The following PDE4D variants were observed in gnomAD, a reference collection of about 807,000 sequenced individuals.
PDE4D encodes the protein phosphodiesterase 4D.
A neutral mutation model predicts 87.4 loss-of-function variants in PDE4D; 24 were observed. The observed-to-expected ratio is 0.27, with a 90% CI of 0.20 to 0.39. The LOEUF is 0.39. Ranked by LOEUF, PDE4D falls within the 10% of genes least tolerant of loss-of-function variation. The probability of loss-of-function intolerance (pLI) is 1.00; values close to 1 mark genes in which losing one functional copy is unlikely to be tolerated. For missense variants in PDE4D, 714 were observed against 1,041.0 expected, an observed-to-expected ratio of 0.69 and a Z score of 4.32; for synonymous variants, 384 against 383.2, an observed-to-expected ratio of 1.00 and a Z score of -0.02.
chr5:59,250,228 T>C (rs993668646), intron 1 of PDE4D, among the ~76,000 whole-genome samples: 1 of 151,120 alleles, frequency 6.6e-6, no homozygotes, highest in African/African-American at 2.4e-5. Flanking sequence ...TGGTGGTTCA[T>C]ACCTGTAATC....
intron 2 of PDE4D, 94 bp downstream of exon 2, chr5:59,215,683 T>A: frequency 9.7e-7 from 1 of 1,030,964 alleles, no homozygotes; most frequent in South Asian, 1.4e-5. Flanking sequence ...AGGAGAGTGA[T>A]ACAGTTGAAC....
Position 59,988,826 on chromosome 5 carries a change from A to G in PDE4D, c.43-109T>C, listed in dbSNP as rs541201750. 1.6e-4 allele frequency: 93 copies of G among 566,382 alleles called. 1 individual carries two copies. In the South Asian group the frequency reaches 2.8e-3, roughly 17 times the overall value. The allele number at this position is 566,382 out of a possible 1,614,324, so 35.1% of individuals were successfully genotyped here. On this transcript the variant is annotated intron_variant, in intron 2 of 16. Coordinates refer to the PDE4D transcript ENST00000502484. ...GAAAGAAATTAAGTAAAATGTATACATGAAAAATGCTATCTAGAAAACAGT... is the reference window on the plus strand; with the variant it reads ...GAAAGAAATTAAGTAAAATGTATACGTGAAAAATGCTATCTAGAAAACAGT...
chr5:59,855,821 C>T (rs1422254896), intron 1 of PDE4D, among the ~76,000 whole-genome samples: 2 of 152,102 alleles, frequency 1.3e-5, no homozygotes, highest in Non-Finnish European at 2.9e-5. Flanking sequence ...ATTATTATAT[C>T]TACAGAAGAC....
chr5:59,410,435 T>C (rs1303524113), intron 1 of PDE4D, among the ~76,000 whole-genome samples: 1 of 152,084 alleles, frequency 6.6e-6, no homozygotes, highest in Non-Finnish European at 1.5e-5. Flanking sequence ...TTAGTAGAGA[T>C]GGGGTTTCAT....
Position 59,194,983 on chromosome 5 carries a change from A to C in PDE4D, c.648-1447T>G, listed in dbSNP as rs117832212. Among the ~76,000 whole-genome samples, 445 of 152,294 alleles carry C rather than the reference A, an allele frequency of 2.9e-3. 6 individuals are homozygous for C. In the East Asian group the frequency reaches 0.058, roughly 20 times the overall value. On this transcript the variant is annotated intron_variant, in intron 2 of 14. Coordinates refer to ENST00000340635, the MANE Select transcript of PDE4D (RefSeq NM_001104631.2). ...TTATGGTGGGAGGGGGTTAGTTATCATAAGAGTGGGTTGTTATAAAGTGAG... is the reference window on the plus strand; with the variant it reads ...TTATGGTGGGAGGGGGTTAGTTATCCTAAGAGTGGGTTGTTATAAAGTGAG...
chr5:60,223,396 G>A (rs1040268944), intron 1 of PDE4D, among the ~76,000 whole-genome samples: 12 of 152,078 alleles, frequency 7.9e-5, no homozygotes, highest in South Asian at 4.2e-4. Context: ...TATTTAGCAC[G>A]TATGGAAGAG....
At chr5:60,071,163 A>G (rs1303319589) in intron 2 of PDE4D, among the ~76,000 whole-genome samples, 3 of 151,522 alleles carry the variant, frequency 2.0e-5, no homozygotes, top group Non-Finnish European at 2.9e-5. Flanking sequence ...ATTTTTTTCT[A>G]TTATTTTTGA....
chr5:60,109,152 A>G (rs1777387478), intron 2 of PDE4D, among the ~76,000 whole-genome samples: 1 of 151,976 alleles, frequency 6.6e-6, no homozygotes, highest in South Asian at 2.1e-4. Flanking sequence ...ATGAACTCAA[A>G]CAAATTTACA....
chr5:59,718,070 G>C (rs548350601), intron 1 of PDE4D, among the ~76,000 whole-genome samples: 2 of 152,064 alleles, frequency 1.3e-5, no homozygotes, highest in Admixed American at 1.3e-4. Context: ...CTCCATTTTC[G>C]AGAGGTCTGA....
chr5:59,179,042 T>C (rs574641743), intron 5 of PDE4D, among the ~76,000 whole-genome samples: 1 of 152,298 alleles, frequency 6.6e-6, no homozygotes, highest in Admixed American at 6.5e-5. Flanking sequence ...AATTTGAATT[T>C]TGGCAGAAGA....
intron 1 of PDE4D, among the ~76,000 whole-genome samples, chr5:59,462,527 T>G (rs1582720106): frequency 6.6e-6 from 1 of 152,122 alleles, no homozygotes; most frequent in South Asian, 2.1e-4. Flanking sequence ...CCCCATATTA[T>G]CTTATGACCA....
At chr5:59,740,763 C>T (rs557107864) in intron 1 of PDE4D, among the ~76,000 whole-genome samples, 2 of 152,206 alleles carry the variant, frequency 1.3e-5, no homozygotes, top group East Asian at 3.9e-4. Context: ...ATCAACTACC[C>T]AACACTCTCC....
chr5:60,369,216 G>A (rs935730311), intron 1 of PDE4D, among the ~76,000 whole-genome samples: 2 of 151,876 alleles, frequency 1.3e-5, no homozygotes, highest in African/African-American at 4.8e-5. Flanking sequence ...TGACAGCACA[G>A]ATGTTTTTCT....
chr5:60,478,210 A>C (rs942750516), intron 1 of PDE4D, among the ~76,000 whole-genome samples: 41 of 152,242 alleles, frequency 2.7e-4, no homozygotes, highest in Non-Finnish European at 5.3e-4. Context: ...TTTTCTGGTT[A>C]AATCTTTTTA....
intron 1 of PDE4D, among the ~76,000 whole-genome samples, chr5:59,650,673 A>C (rs988400198): frequency 6.6e-6 from 1 of 152,234 alleles, no homozygotes; most frequent in African/African-American, 2.4e-5. Context: ...CTGGTTAGTA[A>C]CATCTACCAT....
chr5:59,822,553 T>C (rs1769825948), intron 1 of PDE4D, among the ~76,000 whole-genome samples: 2 of 152,098 alleles, frequency 1.3e-5, no homozygotes, highest in Admixed American at 6.6e-5. Flanking sequence ...AGACCATGAA[T>C]GAAATGCTGA....
chr5:60,434,530 T>A, intron 1 of PDE4D, among the ~76,000 whole-genome samples: 1 of 152,148 alleles, frequency 6.6e-6, no homozygotes, highest in East Asian at 1.9e-4. Flanking sequence ...GTAAGAAAGA[T>A]TTAATGGATT....
In PDE4D at chr5:59,573,474, AG is replaced by A; in HGVS notation, c.455+319693del. Among the ~76,000 whole-genome samples the A allele has an allele frequency of 1.3e-5, 2 of 152,152 alleles. 1 individual carries two copies. The highest frequency in any genetic ancestry group is 6.8e-3 in the Middle Eastern group (2 of 294). ...CACCGAACCACTGTCAGTACTGGGG[AG>A]GGATCTGTTTATGGAGTATACCCGC... On this transcript the variant is annotated intron_variant, in intron 1 of 14. Coordinates refer to ENST00000340635, the MANE Select transcript of PDE4D (RefSeq NM_001104631.2).
chr5:60,295,889 G>A (rs1379167307), intron 1 of PDE4D, among the ~76,000 whole-genome samples: 1 of 152,096 alleles, frequency 6.6e-6, no homozygotes, highest in Non-Finnish European at 1.5e-5. Context: ...CAAACACAAT[G>A]GCTTATAAAC....
Sources: allele counts gnomAD v4.1 joint callset (sites outside exome capture counted in the v4.1 genomes callset), GRCh38; gene constraint gnomAD v4.1.1; transcripts MANE v1.5; gene names NCBI Gene and HGNC (gene_info 2026-07-23, HGNC 2026-07-21).